ARL17B: variants seen among roughly 807,000 people sequenced by gnomAD.
The protein encoded by ARL17B is ARF like GTPase 17B.
intron 3 of ARL17B, among the ~76,000 whole-genome samples, chr17:46,324,841 A>AAAAAAAAT (rs2051640752): frequency 1.3e-5 from 1 of 74,580 alleles, no homozygotes; most frequent in Admixed American, 1.4e-4. Context: ...CCCTGTCTAA[A>AAAAAAAAT]ATATATATAT....
chr17:46,291,530 T>G (rs918558044), intron 4 of ARL17B, among the ~76,000 whole-genome samples: 1 of 151,636 alleles, frequency 6.6e-6, no homozygotes, highest in African/African-American at 2.4e-5. Flanking sequence ...TTGACTGGGC[T>G]ACACTGGGCT....
rs1179207724 is a variant in ARL17B at position 46,292,264 on chromosome 17, G to A, written c.*21+7262C>T. Among the ~76,000 whole-genome samples, 17 of 76,202 alleles carry A rather than the reference G, an allele frequency of 2.2e-4. 7 individuals are homozygous for A. Among genetic ancestry groups the A allele is most frequent in the Non-Finnish European group, 5.1e-4 (13 of 25,686 alleles). The allele number at this position is 76,202 out of a possible 152,430, so 50.0% of individuals were successfully genotyped here. A position where few individuals can be genotyped will look rare whatever the true frequency, so the allele number is the denominator to read the frequency against. On this transcript the variant is annotated intron_variant, in intron 4 of 4. Coordinates refer to the ARL17B transcript ENST00000570618. ...TGAAAACCACTTGAACCCAGGAGGC[G>A]GAGGTTGCAGTGAGCCGAGATCATG... is the stretch of plus-strand genomic sequence containing the variant.
intron 4 of ARL17B, among the ~76,000 whole-genome samples, chr17:46,276,476 T>C (rs1020731376): frequency 3.9e-5 from 6 of 152,232 alleles, no homozygotes; most frequent in African/African-American, 1.4e-4. Flanking sequence ...CAACATCCAG[T>C]TCTGATTCCA....
intron 3 of ARL17B, among the ~76,000 whole-genome samples, chr17:46,316,009 TG>T (rs2051083751): frequency 2.3e-5 from 1 of 44,348 alleles, no homozygotes; most frequent in Non-Finnish European, 6.2e-5. Flanking sequence ...CCGCAACCTC[TG>T]CCTCCCAGGT....
chr17:46,288,305 CTTTTTTT>C (rs78255121), intron 4 of ARL17B, among the ~76,000 whole-genome samples: 4 of 112,260 alleles, frequency 3.6e-5, no homozygotes, highest in Non-Finnish European at 6.9e-5. Context: ...CCAGGCCCGG[CTTTTTTT>C]TTTTTTTTTT....
At chr17:46,317,175 C>T (rs1348854129) in intron 3 of ARL17B, among the ~76,000 whole-genome samples, 10 of 86,428 alleles carry the variant, frequency 1.2e-4, no homozygotes, top group South Asian at 4.6e-4. Flanking sequence ...TCCTCACATC[C>T]CAGACGGGCA....
At chr17:46,288,691 T>C in intron 4 of ARL17B, among the ~76,000 whole-genome samples, 1 of 151,280 alleles carries the variant, frequency 6.6e-6, no homozygotes, top group Non-Finnish European at 1.5e-5. Context: ...GCTTCTTTAC[T>C]GCATCTTGTT....
At chr17:46,275,506 A>G (rs2668624) in intron 4 of ARL17B, 126,747 of 605,470 alleles carry the variant, frequency 0.21, 16,616 homozygotes, top group Non-Finnish European at 0.28. Flanking sequence ...ATAAATCTGG[A>G]AGAAGCAGCC....
intron 4 of ARL17B, among the ~76,000 whole-genome samples, chr17:46,291,969 CAAAAA>C (rs59554870): frequency 1.0e-4 from 6 of 58,088 alleles, no homozygotes; most frequent in African/African-American, 3.6e-4. Context: ...TCTCAAAAAG[CAAAAA>C]AAAAAAAAAA....
intron 4 of ARL17B, among the ~76,000 whole-genome samples, chr17:46,278,091 C>T (rs548475675): frequency 1.2e-4 from 19 of 152,088 alleles, no homozygotes; most frequent in Admixed American, 8.5e-4. Context: ...GACTTACAGG[C>T]GTGCACCACC....
At chr17:46,280,492 T>G (rs1274490574) in intron 4 of ARL17B, among the ~76,000 whole-genome samples, 3 of 151,966 alleles carry the variant, frequency 2.0e-5, no homozygotes, top group Non-Finnish European at 4.4e-5. Context: ...TTGGGTCATA[T>G]AGCAAGACCC....
At chr17:46,330,834 G>A (rs1469296892), downstream of ARL17B, 1 of 714,756 alleles carries the variant, frequency 1.4e-6, no homozygotes, top group East Asian at 2.6e-5. Flanking sequence ...GGAAGGCAGA[G>A]CATCAGGAGG....
At position 46,335,549 on chromosome 17, in the gene ARL17B, G is replaced by A. The variant is rs763831619; in HGVS notation, c.*3951C>T. ...TTGCGTTTTCTTCTAAAACAGATAT[G>A]TTGTCACCGAAGGTCATTACAAGAA... On this transcript the variant is annotated 3_prime_UTR_variant, in exon 4 of 4. Transcript: ENST00000450673. The A allele has an allele frequency of 5.5e-6, 1 of 182,548 alleles. No homozygotes were observed. The highest frequency in any genetic ancestry group is 1.8e-5 in the African/African-American group (1 of 55,936). The allele number at this position is 182,548 out of a possible 1,614,324, so 11.3% of individuals were successfully genotyped here. A position where few individuals can be genotyped will look rare whatever the true frequency, so the allele number is the denominator to read the frequency against.
intron 4 of ARL17B, among the ~76,000 whole-genome samples, chr17:46,288,706 C>CTTTTTT (rs199591277): frequency 7.2e-6 from 1 of 139,060 alleles, no homozygotes; most frequent in Non-Finnish European, 1.6e-5. Flanking sequence ...CTTGTTTTTT[C>CTTTTTT]TTTTTTTTTT....
chr17:46,277,641 C>CTTTTCTTTTCT (rs779380997), intron 4 of ARL17B, among the ~76,000 whole-genome samples: 63 of 146,556 alleles, frequency 4.3e-4, no homozygotes, highest in Admixed American at 7.5e-4. Flanking sequence ...CTTTTCTTTT[C>CTTTTCTTTTCT]TTTCTTTCTT....
At position 46,315,292 on chromosome 17, in the gene ARL17B, C is replaced by A. The variant is rs561354598; in HGVS notation, c.260-15627G>T. Among the ~76,000 whole-genome samples, 10 of 85,596 alleles carry A rather than the reference C, an allele frequency of 1.2e-4. 3 individuals carry two copies. Among genetic ancestry groups the A allele is most frequent in the African/African-American group, 3.2e-4 (10 of 31,248 alleles). 56.2% of individuals were successfully genotyped at this position (85,596 alleles called of 152,430 possible). On this transcript the variant is annotated intron_variant, in intron 3 of 4. Coordinates refer to the ARL17B transcript ENST00000434041. ...GTCATCCTAGCACTTTGGGAGGCTG[C>A]GGTGGGAGGATTGCTTGACCCCAGG...
At chr17:46,340,216 C>CT (rs1199032296) in intron 3 of ARL17B, among the ~76,000 whole-genome samples, 1,409 of 81,336 alleles carry the variant, frequency 0.017, 343 homozygotes, top group African/African-American at 0.039. Context: ...GTTTTTTTTT[C>CT]TTTTTTTTTT....
chr17:46,335,621 T>C lies in ARL17B; in HGVS notation c.*3879A>G. 1 of 181,638 alleles carries C rather than the reference T, an allele frequency of 5.5e-6. No individual in the cohort carries two copies. The highest frequency in any genetic ancestry group is 3.1e-5 in the East Asian group (1 of 31,896). 11.3% of individuals were successfully genotyped at this position (181,638 alleles called of 1,614,324 possible). On this transcript the variant is annotated 3_prime_UTR_variant, in exon 4 of 4. Coordinates refer to ENST00000450673, the MANE Select transcript of ARL17B (RefSeq NM_001039083.5). ...TAAATATTAGTCTGGTGATTTTTTT[T>C]TTCTTCTCTTTTGAGATGGAGTTTC... is the stretch of plus-strand genomic sequence containing the variant.
At chr17:46,332,413 C>T (rs572802959), downstream of ARL17B, 1,658 of 365,904 alleles carry the variant, frequency 4.5e-3, 67 homozygotes, top group African/African-American at 0.055. Context: ...GATTGCACCA[C>T]GGTACCCAAG....
Sources: gnomAD v4.1 joint callset for allele counts (sites outside exome capture counted in the v4.1 genomes callset) on GRCh38, gnomAD v4.1.1 for gene constraint, MANE v1.5 for transcripts, NCBI Gene and HGNC (gene_info 2026-07-23, HGNC 2026-07-21) for gene names.